ACVR1: variants seen among roughly 807,000 people sequenced by gnomAD.
The protein encoded by ACVR1 is activin A receptor type 1, also known as activin receptor type-1.
In ACVR1, 38 loss-of-function variants were observed where a neutral mutation model predicts 57.1. The observed-to-expected ratio is 0.67, with a 90% CI of 0.51 to 0.87. The LOEUF (loss-of-function observed/expected upper bound fraction) is 0.87, where lower values mean the gene tolerates loss of function less well. Ranked by LOEUF, ACVR1 falls within the 40% of genes least tolerant of loss-of-function variation. The probability of loss-of-function intolerance (pLI) is 0.00; values close to 1 mark genes in which losing one functional copy is unlikely to be tolerated. For missense variants in ACVR1, 463 were observed against 638.2 expected, an observed-to-expected ratio of 0.73 and a Z score of 2.96; for synonymous variants, 212 against 228.1, an observed-to-expected ratio of 0.93 and a Z score of 0.63.
chr2:157,761,184 G>C, intron 8 of ACVR1, 107 bp from the exon 9 acceptor site: 1 of 1,058,240 alleles, frequency 9.4e-7, no homozygotes, highest in Non-Finnish European at 1.4e-6. Flanking sequence ...TGTGGATCCA[G>C]GGTCACTGTT....
At chr2:157,738,230 T>A (rs943365419) in intron 10 of ACVR1, among the ~76,000 whole-genome samples, 1 of 152,204 alleles carries the variant, frequency 6.6e-6, no homozygotes, top group Admixed American at 6.5e-5. Context: ...TGTCATTCAC[T>A]AGCAACCCCT....
At chr2:157,838,780 G>C (rs1688877259) in intron 1 of ACVR1, among the ~76,000 whole-genome samples, 1 of 152,126 alleles carries the variant, frequency 6.6e-6, no homozygotes, top group Non-Finnish European at 1.5e-5. Context: ...TACATCTGGG[G>C]AGAACGCACA....
chr2:157,815,860 T>A (rs1377093157), intron 2 of ACVR1, among the ~76,000 whole-genome samples: 2 of 152,146 alleles, frequency 1.3e-5, no homozygotes, highest in African/African-American at 4.8e-5. Flanking sequence ...AAAACATACA[T>A]CCTTAGTGAC....
rs1361677267 is a variant in ACVR1 at position 157,827,742 on chromosome 2, T to C, written c.-182-9183A>G. Among the ~76,000 whole-genome samples, 5 of 152,288 alleles carry C rather than the reference T, an allele frequency of 3.3e-5. No individual in the cohort carries two copies. In the South Asian group the frequency reaches 8.3e-4, roughly 25 times the overall value. Reference sequence around the variant, plus strand: ...ACTAGTGTCTTTCAACTCAGCTCTATCGTCTCTATGGGACTGAGCAGGGAG... The same window carrying C: ...ACTAGTGTCTTTCAACTCAGCTCTACCGTCTCTATGGGACTGAGCAGGGAG... On this transcript the variant is annotated intron_variant, in intron 1 of 10. Transcript: ENST00000434821.
At chr2:157,753,166 T>C (rs1574020575) in intron 9 of ACVR1, among the ~76,000 whole-genome samples, 2 of 152,168 alleles carry the variant, frequency 1.3e-5, no homozygotes, top group East Asian at 3.9e-4. Context: ...GTAGCTATTC[T>C]TGTATCAGAC....
chr2:157,814,296 C>T (rs1020885513), intron 2 of ACVR1, among the ~76,000 whole-genome samples: 6 of 151,980 alleles, frequency 3.9e-5, no homozygotes, highest in East Asian at 1.9e-4. Context: ...AAAATCATAA[C>T]CAAACAGCAA....
chr2:157,776,328 G>A (rs746588648), intron 5 of ACVR1, among the ~76,000 whole-genome samples: 13 of 152,182 alleles, frequency 8.5e-5, no homozygotes, highest in Non-Finnish European at 1.6e-4. Context: ...TCTGAGGAAT[G>A]AAGTTCTAAC....
intron 3 of ACVR1, among the ~76,000 whole-genome samples, chr2:157,786,109 C>T (rs969570674): frequency 6.6e-6 from 1 of 152,208 alleles, no homozygotes; most frequent in Admixed American, 6.5e-5. Flanking sequence ...TAGTCAGTGC[C>T]TTTCTACTGT....
chr2:157,816,437 CAA>C (rs5835680), intron 2 of ACVR1, among the ~76,000 whole-genome samples: 2 of 142,998 alleles, frequency 1.4e-5, no homozygotes, highest in African/African-American at 5.0e-5. Context: ...AAACAAACGA[CAA>C]AAAAAAAAAT....
chr2:157,847,480 A>G (rs1689160441), intron 1 of ACVR1, among the ~76,000 whole-genome samples: 1 of 152,244 alleles, frequency 6.6e-6, no homozygotes, highest in African/African-American at 2.4e-5. Context: ...TTAAAATACA[A>G]CATCAGAAAC....
chr2:157,801,307 G>A (rs1459973285), intron 2 of ACVR1, among the ~76,000 whole-genome samples: 1 of 152,138 alleles, frequency 6.6e-6, no homozygotes, highest in Non-Finnish European at 1.5e-5. Flanking sequence ...TTGTAGTTCT[G>A]AAGGTCCGTT....
chr2:157,767,751 G>T (rs1280582798), intron 7 of ACVR1, among the ~76,000 whole-genome samples: 1 of 152,158 alleles, frequency 6.6e-6, no homozygotes, highest in Non-Finnish European at 1.5e-5. Context: ...GGTGCTGGGA[G>T]ATGCCAAGGA....
At chr2:157,816,126 TTTTTAACATAATTAA>T (rs1255713985) in intron 2 of ACVR1, among the ~76,000 whole-genome samples, 10 of 152,210 alleles carry the variant, frequency 6.6e-5, no homozygotes, top group African/African-American at 2.4e-4. Context: ...GTTCCACCAA[TTTTTAACATAATTAA>T]TATGCATATT....
At chr2:157,857,999 A>C (rs1009837000) in intron 1 of ACVR1, among the ~76,000 whole-genome samples, 1 of 152,058 alleles carries the variant, frequency 6.6e-6, no homozygotes, top group Non-Finnish European at 1.5e-5. Context: ...TTATTCCCTA[A>C]GGTCCCACAC....
At chr2:157,824,509 C>A (rs1281379646) in intron 1 of ACVR1, among the ~76,000 whole-genome samples, 1 of 152,112 alleles carries the variant, frequency 6.6e-6, no homozygotes, top group Non-Finnish European at 1.5e-5. Flanking sequence ...ATAAATATTA[C>A]AAAGGGCTCC....
intron 2 of ACVR1, among the ~76,000 whole-genome samples, chr2:157,814,503 A>G (rs2105324597): frequency 6.6e-6 from 1 of 152,332 alleles, no homozygotes; most frequent in South Asian, 2.1e-4. Context: ...AGGGCATGAG[A>G]AAACTGTTCT....
chr2:157,743,842 A>C (rs1418913715), intron 9 of ACVR1, among the ~76,000 whole-genome samples: 1 of 152,144 alleles, frequency 6.6e-6, no homozygotes, highest in Non-Finnish European at 1.5e-5. Flanking sequence ...TCTCAGTTGC[A>C]GATAAGAAAC....
chr2:157,827,564 T>C (rs1029507697), intron 1 of ACVR1, among the ~76,000 whole-genome samples: 3 of 152,222 alleles, frequency 2.0e-5, no homozygotes, highest in Admixed American at 6.5e-5. Flanking sequence ...CTCTTACTTA[T>C]CTCTGATTGT....
chr2:157,804,739 T>C (rs189534920), intron 2 of ACVR1, among the ~76,000 whole-genome samples: 11 of 152,320 alleles, frequency 7.2e-5, no homozygotes, highest in African/African-American at 2.6e-4. Context: ...CAATACTGTT[T>C]CTTACAATGT....
Sources: gnomAD v4.1 joint callset for allele counts (sites outside exome capture counted in the v4.1 genomes callset) on GRCh38, gnomAD v4.1.1 for gene constraint, MANE v1.5 for transcripts, NCBI Gene and HGNC (gene_info 2026-07-23, HGNC 2026-07-21) for gene names.